Variants in TSPAN15 observed in about 807,000 individuals in gnomAD.
The protein encoded by TSPAN15 is tetraspanin-15.
A neutral mutation model predicts 34.5 loss-of-function variants in TSPAN15; 20 were observed. That is an observed-to-expected ratio of 0.58 (90% CI 0.41 to 0.84). The LOEUF (loss-of-function observed/expected upper bound fraction) is 0.84, where lower values mean the gene tolerates loss of function less well. Among genes scored for constraint, TSPAN15 ranks in the 40% least tolerant of loss-of-function variants. The pLI is 0.00. For synonymous variants in TSPAN15, 155 were observed against 153.9 expected (o/e 1.01, Z -0.05); for missense variants, 313 against 386.1 (o/e 0.81, Z 1.59).
the TSPAN15 span, among the ~76,000 whole-genome samples, chr10:69,548,898 T>C: frequency 6.6e-6 from 1 of 151,814 alleles, no homozygotes; most frequent in Non-Finnish European, 1.5e-5. Context: ...TGATGAAAGA[T>C]TCTAGAAGGG....
chr10:69,455,479 C>T (rs1444542194), intron 1 of TSPAN15, among the ~76,000 whole-genome samples: 5 of 152,058 alleles, frequency 3.3e-5, no homozygotes, highest in African/African-American at 1.2e-4. Flanking sequence ...TTAATAGTCC[C>T]CAGCTGGGGA....
At chr10:69,537,255 A>G in the TSPAN15 span, among the ~76,000 whole-genome samples, 2 of 152,214 alleles carry the variant, frequency 1.3e-5, no homozygotes, top group Admixed American at 1.3e-4. Flanking sequence ...GCTGGGCTGC[A>G]GCACCGTGAA....
intron 4 of TSPAN15, among the ~76,000 whole-genome samples, chr10:69,497,238 G>A (rs896137412): frequency 2.6e-5 from 4 of 152,174 alleles, no homozygotes; most frequent in Admixed American, 6.5e-5. Flanking sequence ...GCACTGTGGG[G>A]ACTCTGAAAG....
In TSPAN15 at chr10:69,451,518, T is replaced by G. The variant is rs1564593488; in HGVS notation, c.-77T>G. On this transcript the variant is annotated 5_prime_UTR_variant, in exon 1 of 8. Coordinates refer to ENST00000373290, the MANE Select transcript of TSPAN15 (RefSeq NM_012339.5). ...GGGCTGGTAGCCCGGCAGCCGCAGG[T>G]GGGGCCACGAGCGCTGGCTGAGGGA... 7.8e-7 allele frequency: 1 copy of G among 1,279,148 alleles called. No individual in the cohort carries two copies. 79.2% of individuals were successfully genotyped at this position (1,279,148 alleles called of 1,614,324 possible).
chr10:69,538,240 G>A, the TSPAN15 span, among the ~76,000 whole-genome samples: 1 of 152,230 alleles, frequency 6.6e-6, no homozygotes, highest in Non-Finnish European at 1.5e-5. Context: ...GAAAGTTACT[G>A]ATATGGGGGT....
chr10:69,482,901 C>T (rs1841766350), intron 1 of TSPAN15, among the ~76,000 whole-genome samples: 1 of 152,170 alleles, frequency 6.6e-6, no homozygotes, highest in African/African-American at 2.4e-5. Flanking sequence ...ATGGCTTAAA[C>T]AATAGACATT....
At chr10:69,494,707 C>G in intron 3 of TSPAN15, 1 of 985,422 alleles carries the variant, frequency 1.0e-6, no homozygotes, top group Non-Finnish European at 1.2e-6. Flanking sequence ...CGCTGTGGTG[C>G]CACCCCCGGG....
chr10:69,504,477 G>A lies in TSPAN15; in HGVS notation c.610G>A (p.Asp204Asn), dbSNP rs762149709. 1 of 1,614,016 alleles carries A rather than the reference G, an allele frequency of 6.2e-7. No individual in the cohort carries two copies. The highest frequency in any genetic ancestry group is 8.5e-7 in the Non-Finnish European group (1 of 1,179,910). Reference sequence around the variant, plus strand: ...CACCATGTGTGGCTACAAAACTATCGACAAGGAGGTAATGTCTTTGAAATG... The same window carrying A: ...CACCATGTGTGGCTACAAAACTATCAACAAGGAGGTAATGTCTTTGAAATG... ...VNTMCGYKTI[D>N]KERFSVQDVI... Residue 204 changes from aspartate (D) to asparagine (N), a missense_variant, in exon 6 of 8, where the codon GAC (aspartate) becomes AAC (asparagine). Asp to Asn is a conservative substitution (Grantham distance 23). Coordinates refer to ENST00000373290, the MANE Select transcript of TSPAN15 (RefSeq NM_012339.5).
chr10:69,501,179 G>A (rs142483410), intron 5 of TSPAN15, among the ~76,000 whole-genome samples: 1 of 152,316 alleles, frequency 6.6e-6, no homozygotes, highest in Non-Finnish European at 1.5e-5. Context: ...GGGTTTGAGA[G>A]CCTGTTCAGC....
intron 1 of TSPAN15, among the ~76,000 whole-genome samples, chr10:69,481,304 T>G (rs1324985186): frequency 6.6e-6 from 1 of 152,152 alleles, no homozygotes; most frequent in Non-Finnish European, 1.5e-5. Flanking sequence ...AAGGCATCCT[T>G]CTAGACTGGG....
intron 1 of TSPAN15, among the ~76,000 whole-genome samples, chr10:69,466,669 C>G (rs1386007773): frequency 4.6e-5 from 7 of 152,182 alleles, no homozygotes; most frequent in Non-Finnish European, 8.8e-5. Context: ...TTGGGAGACA[C>G]TGGGAGTTCT....
chr10:69,492,994 G>A lies in TSPAN15; in HGVS notation c.358-2600G>A, dbSNP rs1300494258. 5.3e-5 allele frequency among the ~76,000 whole-genome samples: 8 copies of A among 152,316 alleles called. No homozygotes were observed. The East Asian group carries it at 1.5e-3, about 29-fold the overall frequency. On this transcript the variant is annotated intron_variant, in intron 3 of 7. Coordinates refer to ENST00000373290, the MANE Select transcript of TSPAN15 (RefSeq NM_012339.5). Reference sequence around the variant, plus strand: ...CCCTGACCCTGGCGGCACCCCATGAGTACGTAGCTCAGCCAATCATGTCGT... The same window carrying A: ...CCCTGACCCTGGCGGCACCCCATGAATACGTAGCTCAGCCAATCATGTCGT...
intron 3 of TSPAN15, among the ~76,000 whole-genome samples, chr10:69,486,579 C>T (rs1197754380): frequency 6.6e-6 from 1 of 152,224 alleles, no homozygotes; most frequent in South Asian, 2.1e-4. Flanking sequence ...GCTGGGACTA[C>T]AGTCATGCAC....
chr10:69,502,934 A>G (rs1202353060), intron 5 of TSPAN15, among the ~76,000 whole-genome samples: 1 of 152,132 alleles, frequency 6.6e-6, no homozygotes, highest in Non-Finnish European at 1.5e-5. Context: ...GAAGGCAGGG[A>G]CTTTGTCTTG....
intron 5 of TSPAN15, among the ~76,000 whole-genome samples, chr10:69,503,699 G>T (rs77364098): frequency 0.07 from 10,594 of 152,200 alleles, 478 homozygotes; most frequent in Non-Finnish European, 0.1. Flanking sequence ...CGGGGCTGGG[G>T]GGGACGGTCA....
the TSPAN15 span, among the ~76,000 whole-genome samples, chr10:69,520,986 T>A: frequency 1.2e-5 from 1 of 84,784 alleles, no homozygotes; most frequent in East Asian, 5.6e-4. Flanking sequence ...CAACACCTGT[T>A]ATTTTCCTTT....
the TSPAN15 span, among the ~76,000 whole-genome samples, chr10:69,519,143 G>A: frequency 3.9e-5 from 6 of 152,368 alleles, no homozygotes; most frequent in East Asian, 7.7e-4. Context: ...AGGGCTGGGC[G>A]CGGTGGCCCA....
intron 4 of TSPAN15, among the ~76,000 whole-genome samples, chr10:69,497,712 A>T (rs541393866): frequency 1.0e-3 from 158 of 152,244 alleles, no homozygotes; most frequent in Non-Finnish European, 1.7e-3. Flanking sequence ...CATACCAGCC[A>T]TCAGGAGGGT....
At chr10:69,511,730 A>G (rs1842416637), downstream of TSPAN15, among the ~76,000 whole-genome samples, 2 of 152,108 alleles carry the variant, frequency 1.3e-5, no homozygotes, top group Admixed American at 6.5e-5. Context: ...ATTTCCCTCT[A>G]AACACTGCTT....
Sources: allele counts gnomAD v4.1 joint callset (sites outside exome capture counted in the v4.1 genomes callset), GRCh38; gene constraint gnomAD v4.1.1; transcripts MANE v1.5; gene names NCBI Gene and HGNC (gene_info 2026-07-23, HGNC 2026-07-21).